Variants in MYH4 observed in about 807,000 individuals in gnomAD.
MYH4 encodes myosin-4.
Under a neutral mutation model 229.9 loss-of-function variants are expected in MYH4, and 200 were observed. The ratio of observed to expected loss-of-function variants is 0.87; its 90% CI spans 0.78 to 0.98. MYH4 has a LOEUF of 0.98. Among genes scored for constraint, MYH4 ranks in the 50% least tolerant of loss-of-function variants. The pLI, the probability that MYH4 is intolerant of heterozygous loss-of-function variation, is 0.00. For missense variants in MYH4, 2,148 were observed against 2,332.6 expected (o/e 0.92, Z 1.63); for synonymous variants, 761 against 834.6 (o/e 0.91, Z 1.52).
At chr17:10,451,281 T>C in intron 28 of MYH4, 45 bp downstream of exon 28, 1 of 1,602,006 alleles carries the variant, frequency 6.2e-7, no homozygotes, top group Middle Eastern at 1.7e-4. Context: ...AGGCTTGTCT[T>C]TCATTCGTCA....
At chr17:10,458,637 A>G (rs553191921) in intron 15 of MYH4, among the ~76,000 whole-genome samples, 2 of 152,312 alleles carry the variant, frequency 1.3e-5, no homozygotes, top group African/African-American at 4.8e-5. Context: ...CAAGCTCCCA[A>G]GATACTTTTG....
Position 10,455,224 on chromosome 17 carries a change from A to G in MYH4, c.2246T>C (p.Leu749Pro), listed in dbSNP as rs766048414. ...GTGGTCAATTTCAATAGACCCTAGAAGTTTCTCAGAAGCCTTCTTGCTGTC... is the reference window on the plus strand; with the variant it reads ...GTGGTCAATTTCAATAGACCCTAGAGGTTTCTCAGAAGCCTTCTTGCTGTC... ...FIDSKKASEK[L>P]LGSIEIDHTQ... Residue 749 changes from leucine (L) to proline (P), a missense_variant, in exon 20 of 40, where the codon CTT becomes CCT. Physicochemically the swap from Leu to Pro is moderately conservative, Grantham distance 98. Coordinates refer to ENST00000255381, the MANE Select transcript of MYH4 (RefSeq NM_017533.2). 1.2e-5 allele frequency: 19 copies of G among 1,614,062 alleles called. No individual in the cohort carries two copies. In the South Asian group the frequency reaches 1.9e-4, roughly 16 times the overall value.
intron 39 of MYH4, among the ~76,000 whole-genome samples, chr17:10,444,260 A>C (rs2072486549): frequency 6.6e-6 from 1 of 152,226 alleles, no homozygotes; most frequent in Admixed American, 6.5e-5. Context: ...TGGATTTATC[A>C]TGAAGTTAAA....
intron 27 of MYH4, 129 bp from the exon 28 acceptor site, chr17:10,451,581 G>T (rs1597417079): frequency 2.9e-6 from 3 of 1,027,026 alleles, no homozygotes; most frequent in Non-Finnish European, 4.1e-6. Flanking sequence ...TTGCATGGTG[G>T]CTATAAAGTA....
In MYH4 at chr17:10,448,619, T is replaced by C; in HGVS notation, c.4530A>G (p.Gln1510=). 2 of 1,613,334 alleles carry C rather than the reference T, an allele frequency of 1.2e-6. No individual in the cohort carries two copies. The highest frequency in any genetic ancestry group is 1.7e-6 in the Non-Finnish European group (2 of 1,179,762). ...AATAGAATGATTACAGTGACTCACG[T>C]TGTAAGTTCTTATTCTCTCGCTTTA... is the stretch of plus-strand genomic sequence containing the variant. ...ETLKRENKNL[Q]QEISDLTEQI... The change falls in exon 32 of 40, where the codon CAA becomes CAG. Residue 1510 remains glutamine, a splice_region_variant and synonymous_variant. Transcript: ENST00000255381.
chr17:10,453,262 T>G lies in MYH4; in HGVS notation c.3001A>C (p.Lys1001Gln). Residue 1001 changes from lysine (K) to glutamine (Q), a missense_variant, in exon 24 of 40, where the codon AAG becomes CAG. Transcript: ENST00000255381. ...TGCTGGTGGGCCTCCTGGAGAGCCT[T>G]CTTCTCCTTGGTCAGCTTAGCAATG... is the stretch of plus-strand genomic sequence containing the variant. ...ETIAKLTKEK[K>Q]ALQEAHQQTL... 1 of 1,614,078 alleles carries G rather than the reference T, an allele frequency of 6.2e-7. No individual in the cohort carries two copies. The highest frequency in any genetic ancestry group is 1.1e-5 in the South Asian group (1 of 91,084).
intron 5 of MYH4, among the ~76,000 whole-genome samples, 155 bp downstream of exon 5, chr17:10,465,287 G>A (rs1342605927): frequency 1.3e-5 from 2 of 152,128 alleles, no homozygotes; most frequent in African/African-American, 4.8e-5. Context: ...TTTGGAACTA[G>A]TACATTTTAT....
chr17:10,466,480 AT>A (rs1010173777), intron 3 of MYH4, 61 bp downstream of exon 3: 111 of 1,612,438 alleles, frequency 6.9e-5, no homozygotes, highest in South Asian at 4.4e-4. Flanking sequence ...GGTCAAAAAA[AT>A]ATCACCTAAA....
intron 15 of MYH4, 88 bp downstream of exon 15, chr17:10,459,163 T>C: frequency 1.2e-6 from 2 of 1,603,754 alleles, no homozygotes; most frequent in Admixed American, 1.7e-5. Context: ...CAGCACTGCT[T>C]GTTCTTTGAG....
At chr17:10,451,302 G>A (rs1419850844) in intron 28 of MYH4, 24 bp downstream of exon 28, 4 of 1,611,728 alleles carry the variant, frequency 2.5e-6, no homozygotes, top group Non-Finnish European at 3.4e-6. Context: ...CCTCTCCGAA[G>A]GTTGATGCTA....
rs74531562 is a variant in MYH4 at position 10,464,523 on chromosome 17, A to T, written c.597T>A (p.Ile199=). 774 of 1,614,066 alleles carry T rather than the reference A, an allele frequency of 4.8e-4. 11 individuals are homozygous for T. The East Asian group carries it at 0.017, about 35-fold the overall frequency. The change falls in exon 7 of 40, where the codon ATT becomes ATA. Residue 199 remains isoleucine, a synonymous_variant. Coordinates refer to ENST00000255381, the MANE Select transcript of MYH4 (RefSeq NM_017533.2). ...TKRVIQYFAT[I]AVTGEKKKEE... ...CTTTTTTCTTCTCTCCAGTAACTGCAATTGTTGCAAAGTACTGGATGACAC... is the reference window on the plus strand; with the variant it reads ...CTTTTTTCTTCTCTCCAGTAACTGCTATTGTTGCAAAGTACTGGATGACAC...
At chr17:10,454,230 G>C (rs1423551416) in intron 22 of MYH4, among the ~76,000 whole-genome samples, 1 of 152,154 alleles carries the variant, frequency 6.6e-6, no homozygotes, top group African/African-American at 2.4e-5. Context: ...CCATTTCTCT[G>C]CCCTGATAAA....
At chr17:10,460,400 A>T (rs2072687803) in intron 12 of MYH4, 79 bp from the exon 13 acceptor site, 1 of 1,179,616 alleles carries the variant, frequency 8.5e-7, no homozygotes, top group Admixed American at 2.3e-5. Flanking sequence ...ACAAAGAAAA[A>T]AGGTTTCACT....
chr17:10,445,309 G>A lies in MYH4; in HGVS notation c.5223C>T (p.Ile1741=). The change falls in exon 36 of 40, where the codon ATC becomes ATT. Residue 1741 remains isoleucine (I), a synonymous_variant. Transcript: ENST00000255381. ...GGACGATGTCCTCCATCTCTCCCTG[G>A]ATTTGGGAAATGTCTGTTTCCAGCT... ...KKKLETDISQ[I]QGEMEDIVQE... 6.2e-7 allele frequency: 1 copy of A among 1,614,060 alleles called. No individual in the cohort carries two copies. Among genetic ancestry groups the A allele is most frequent in the Non-Finnish European group, 8.5e-7 (1 of 1,180,010 alleles).
At position 10,445,915 on chromosome 17, in the gene MYH4, C is replaced by T. The variant is rs373544111; in HGVS notation, c.5170-553G>A. On this transcript the variant is annotated intron_variant, in intron 35 of 39. Transcript: ENST00000255381. ...TGGTGGTGGGCGCCTGTAGTCCCAG[C>T]TACTCGGGAGGCTGAGGCAGGAGAA... 3.5e-4 allele frequency among the ~76,000 whole-genome samples: 53 copies of T among 150,332 alleles called. 3 individuals carry two copies. The South Asian group carries it at 0.01, about 29-fold the overall frequency.
chr17:10,452,992 G>A (rs2072595366), intron 24 of MYH4, 60 bp from the exon 25 acceptor site: 3 of 1,588,846 alleles, frequency 1.9e-6, no homozygotes, highest in African/African-American at 1.4e-5. Context: ...TATGCTAGTA[G>A]CCTTCAAAGA....
chr17:10,468,558 A>G (rs2072790401), intron 2 of MYH4, among the ~76,000 whole-genome samples: 1 of 152,250 alleles, frequency 6.6e-6, no homozygotes, highest in South Asian at 2.1e-4. Flanking sequence ...TTAACATCAT[A>G]CTAAAAGTAC....
In MYH4 at chr17:10,444,975, C is replaced by G; in HGVS notation, c.5466+1G>C. On this transcript the variant is annotated splice_donor_variant, in intron 37 of 39. Coordinates refer to ENST00000255381, the MANE Select transcript of MYH4 (RefSeq NM_017533.2). LOFTEE classifies it high-confidence loss of function. ...AATTGAGTGAAGTTGTGGAGACCTA[C>G]CCTGGCCTCCAGTTTCTGGATCTGC... The G allele has an allele frequency of 8.1e-6, 13 of 1,614,124 alleles. No homozygotes were observed. Among genetic ancestry groups the G allele is most frequent in the Non-Finnish European group, 1.0e-5 (12 of 1,180,022 alleles).
At chr17:10,457,818 T>G in intron 15 of MYH4, 89 bp from the exon 16 acceptor site, 1 of 1,463,876 alleles carries the variant, frequency 6.8e-7, no homozygotes, top group Non-Finnish European at 9.2e-7. Context: ...ATACAATGTT[T>G]CAAAAGAAGA....
Sources: allele counts gnomAD v4.1 joint callset (sites outside exome capture counted in the v4.1 genomes callset), GRCh38; gene constraint gnomAD v4.1.1; transcripts MANE v1.5; gene names NCBI Gene and HGNC (gene_info 2026-07-23, HGNC 2026-07-21).